MX2: variants seen among roughly 807,000 people sequenced by gnomAD.
MX2 encodes the protein MX dynamin like GTPase 2.
Under a neutral mutation model 74.0 loss-of-function variants are expected in MX2, and 51 were observed. The observed-to-expected ratio is 0.69, with a 90% confidence interval of 0.55 to 0.87. The LOEUF (loss-of-function observed/expected upper bound fraction) is 0.87, where lower values mean the gene tolerates loss of function less well. Among genes scored for constraint, MX2 ranks in the 40% least tolerant of loss-of-function variants. MX2 has a pLI of 0.00. For missense variants in MX2, 832 were observed against 908.7 expected, an observed-to-expected ratio of 0.92 and a Z score of 1.09; for synonymous variants, 369 against 339.3, an observed-to-expected ratio of 1.09 and a Z score of -0.96.
At chr21:41,379,926 T>G in intron 3 of MX2, 91 bp from the exon 4 acceptor site, 5 of 1,527,042 alleles carry the variant, frequency 3.3e-6, no homozygotes, top group Non-Finnish European at 4.5e-6. Flanking sequence ...GACGAGGCCT[T>G]TGGGGACAGC....
intron 10 of MX2, among the ~76,000 whole-genome samples, chr21:41,400,151 G>A (rs758186909): frequency 9.2e-5 from 14 of 152,128 alleles, no homozygotes; most frequent in Non-Finnish European, 1.9e-4. Context: ...AAAGTGACCT[G>A]GGATACTTAT....
At chr21:41,403,870 A>G (rs958774917) in intron 12 of MX2, 17 of 260,334 alleles carry the variant, frequency 6.5e-5, no homozygotes, top group Admixed American at 9.7e-5. Flanking sequence ...TCCATAGTGC[A>G]GGCAAGCAAG....
At chr21:41,384,102 A>G (rs980051160) in intron 5 of MX2, among the ~76,000 whole-genome samples, 1 of 152,114 alleles carries the variant, frequency 6.6e-6, no homozygotes, top group Non-Finnish European at 1.5e-5. Context: ...GTTCTCGCAC[A>G]CATTCCCTCC....
intron 1 of MX2, among the ~76,000 whole-genome samples, chr21:41,367,629 G>A (rs375680055): frequency 1.5e-3 from 221 of 152,200 alleles, no homozygotes; most frequent in African/African-American, 4.9e-3. Context: ...TTTTCTTACC[G>A]ATTTTCAATT....
intron 1 of MX2, chr21:41,374,150 C>G (rs2089365987): frequency 6.6e-6 from 1 of 152,296 alleles, no homozygotes; most frequent in African/African-American, 2.4e-5. Context: ...ACGGAACCCT[C>G]CCACATCCTC....
chr21:41,364,541 G>A (rs946597881), intron 1 of MX2: 1 of 152,586 alleles, frequency 6.6e-6, no homozygotes, highest in African/African-American at 2.4e-5. Flanking sequence ...TGATTTTCTT[G>A]CTGTACTACT....
intron 1 of MX2, chr21:41,365,418 CTCT>C (rs1304480009): frequency 2.0e-5 from 3 of 151,694 alleles, no homozygotes; most frequent in African/African-American, 4.8e-5. Flanking sequence ...GTCTCTTGTT[CTCT>C]TCTTTGTGGC....
Position 41,388,464 on chromosome 21 carries a change from G to C in MX2, c.733-2101G>C, listed in dbSNP as rs989114423. Among the ~76,000 whole-genome samples, 3 of 152,182 alleles carry C rather than the reference G, an allele frequency of 2.0e-5. No individual in the cohort carries two copies. Among genetic ancestry groups the C allele is most frequent in the African/African-American group, 7.2e-5 (3 of 41,434 alleles). On this transcript the variant is annotated intron_variant, in intron 5 of 13. Coordinates refer to ENST00000330714, the MANE Select transcript of MX2 (RefSeq NM_002463.2). The surrounding 1 kb of genome is among the most constrained non-coding windows in gnomAD (Gnocchi z 4.0). ...CATTCCTCGCGGGTTTCTGCTGCAA[G>C]GCTGCCCTACCTGGGCTGCCTTGCC...
chr21:41,387,265 A>G (rs2089592118), intron 5 of MX2, among the ~76,000 whole-genome samples: 1 of 152,162 alleles, frequency 6.6e-6, no homozygotes, highest in Non-Finnish European at 1.5e-5. Flanking sequence ...TGTGTCTTTC[A>G]TTTGAAAGAT....
intron 5 of MX2, among the ~76,000 whole-genome samples, chr21:41,383,933 T>C (rs1419357520): frequency 1.3e-5 from 2 of 152,166 alleles, no homozygotes; most frequent in African/African-American, 4.8e-5. Context: ...TTTGGTTCTG[T>C]GTCCCCACCC....
chr21:41,369,262 C>T (rs552413030), intron 1 of MX2, among the ~76,000 whole-genome samples: 1 of 152,292 alleles, frequency 6.6e-6, no homozygotes, highest in East Asian at 1.9e-4. Context: ...GGCTGAGCGG[C>T]GGCGGGGCCA....
At chr21:41,399,171 A>C (rs890111390) in intron 9 of MX2, 25 bp from the exon 10 acceptor site, 3 of 1,612,032 alleles carry the variant, frequency 1.9e-6, no homozygotes, top group Non-Finnish European at 2.5e-6. Context: ...TTCCGCAAAG[A>C]CTATTGACTT....
Position 41,395,452 on chromosome 21 carries a change from A to G in MX2, c.872-135A>G, listed in dbSNP as rs2089721741. On this transcript the variant is annotated intron_variant, in intron 6 of 13. Coordinates refer to ENST00000330714, the MANE Select transcript of MX2 (RefSeq NM_002463.2). Reference sequence around the variant, plus strand: ...GAAGAGGGGCAATGAGGGAATGAGGATGGAATGAGGCACTGGAGGATCAAG... The same window carrying G: ...GAAGAGGGGCAATGAGGGAATGAGGGTGGAATGAGGCACTGGAGGATCAAG... 9 of 691,298 alleles carry G rather than the reference A, an allele frequency of 1.3e-5. No homozygotes were observed. In the South Asian group the frequency reaches 1.5e-4, roughly 12 times the overall value. 42.8% of individuals were successfully genotyped at this position (691,298 alleles called of 1,614,324 possible).
chr21:41,395,341 T>A (rs1388907136), intron 6 of MX2, among the ~76,000 whole-genome samples: 2 of 152,144 alleles, frequency 1.3e-5, no homozygotes, highest in Non-Finnish European at 2.9e-5. Context: ...CCAGTAGGCA[T>A]CCACGAAATA....
At position 41,402,212 on chromosome 21, in the gene MX2, G is replaced by T; in HGVS notation, c.1573+84G>T. On this transcript the variant is annotated intron_variant, in intron 11 of 13. Coordinates refer to ENST00000330714, the MANE Select transcript of MX2 (RefSeq NM_002463.2). This position sits in a 1 kb window ranked among gnomAD's most constrained non-coding sequence, Gnocchi z 4.5. The stretch of plus-strand genomic sequence containing the variant: ...GTGCCTTGGAGGGAGAGATTGGAAT[G>T]GAGTTACCAAACCAGCCTGCAGACA... 1 of 1,482,464 alleles carries T rather than the reference G, an allele frequency of 6.7e-7. No homozygotes were observed. Among genetic ancestry groups the T allele is most frequent in the Non-Finnish European group, 9.1e-7 (1 of 1,101,990 alleles). The allele number at this position is 1,482,464 out of a possible 1,614,324, so 91.8% of individuals were successfully genotyped here.
At chr21:41,403,751 C>A in intron 12 of MX2, 1 of 439,004 alleles carries the variant, frequency 2.3e-6, no homozygotes. Context: ...TACTTAGCAA[C>A]TCTTCCCCCG....
rs115881224 is a variant in MX2, at chr21:41,373,663, C to T, written c.-71-3173C>T. On this transcript the variant is annotated intron_variant, in intron 1 of 13. Coordinates refer to ENST00000330714, the MANE Select transcript of MX2 (RefSeq NM_002463.2). The stretch of plus-strand genomic sequence containing the variant: ...TCCAGAATCCAGTCGGCTCTCACCA[C>T]CCTCTTTGCCATTGTTTCCAAAAGG... 6.3e-3 allele frequency among the ~76,000 whole-genome samples: 959 copies of T among 152,246 alleles called. 9 individuals are homozygous for T. Among genetic ancestry groups the T allele is most frequent in the African/African-American group, 0.022 (898 of 41,540 alleles).
At chr21:41,389,322 C>G (rs1378384123) in intron 5 of MX2, among the ~76,000 whole-genome samples, 1 of 152,098 alleles carries the variant, frequency 6.6e-6, no homozygotes, top group Non-Finnish European at 1.5e-5. Context: ...CAAGACCAAC[C>G]TGGGCAAGGT....
chr21:41,382,276 A>T, intron 4 of MX2, 134 bp from the exon 5 acceptor site: 1 of 1,167,616 alleles, frequency 8.6e-7, no homozygotes, highest in Non-Finnish European at 1.2e-6. Flanking sequence ...GGCTTCTCTG[A>T]AATGTTTTCT....
Sources: gnomAD v4.1 joint callset for allele counts (sites outside exome capture counted in the v4.1 genomes callset) on GRCh38, gnomAD v4.1.1 for gene constraint, Gnocchi (gnomAD v3.1) non-coding constraint, MANE v1.5 for transcripts, NCBI Gene and HGNC (gene_info 2026-07-23, HGNC 2026-07-21) for gene names.